The following RALGPS2 variants were observed in gnomAD, a reference collection of about 807,000 sequenced individuals.
RALGPS2 encodes ras-specific guanine nucleotide-releasing factor RalGPS2.
A neutral mutation model predicts 86.8 loss-of-function variants in RALGPS2; 43 were observed. The observed-to-expected ratio is 0.50, with a 90% CI of 0.39 to 0.64. The LOEUF is 0.64. Among genes scored for constraint, RALGPS2 ranks in the 30% least tolerant of loss-of-function variants. The pLI, the probability that RALGPS2 is intolerant of heterozygous loss-of-function variation, is 0.00. For synonymous variants in RALGPS2, 243 were observed against 231.3 expected, an observed-to-expected ratio of 1.05 and a Z score of -0.46; for missense variants, 536 against 694.6, an observed-to-expected ratio of 0.77 and a Z score of 2.57.
intron 1 of RALGPS2, among the ~76,000 whole-genome samples, chr1:178,744,561 G>A (rs1266551174): frequency 1.3e-5 from 2 of 152,120 alleles, no homozygotes; most frequent in Non-Finnish European, 2.9e-5. Flanking sequence ...TGTAATGCCA[G>A]CACTTAGGGA....
intron 9 of RALGPS2, 55 bp downstream of exon 9, chr1:178,877,690 T>G: frequency 6.3e-7 from 1 of 1,582,786 alleles, no homozygotes; most frequent in South Asian, 1.1e-5. Flanking sequence ...TCCAGTGATT[T>G]ATTTACACAC....
chr1:178,864,410 A>G (rs1364959590), intron 8 of RALGPS2, among the ~76,000 whole-genome samples: 1 of 152,152 alleles, frequency 6.6e-6, no homozygotes, highest in Non-Finnish European at 1.5e-5. Flanking sequence ...AGATGCTTTC[A>G]AGATAAGAAA....
rs371184625 is a variant in RALGPS2 at position 178,827,556 on chromosome 1, G to A, written c.480+5852G>A. On this transcript the variant is annotated intron_variant, in intron 7 of 19. Transcript: ENST00000367635. Reference sequence around the variant, plus strand: ...ACTACAGGCGCCCGCCACTACGCCCGGCTAATTTTTTGTATTTTTTAGTAG... The same window carrying A: ...ACTACAGGCGCCCGCCACTACGCCCAGCTAATTTTTTGTATTTTTTAGTAG... Among the ~76,000 whole-genome samples the A allele has an allele frequency of 3.9e-3, 589 of 151,676 alleles. 3 individuals are homozygous for A. Among genetic ancestry groups the A allele is most frequent in the East Asian group, 0.021 (107 of 5,158 alleles).
chr1:178,861,211 A>G (rs1657986103), intron 8 of RALGPS2, among the ~76,000 whole-genome samples: 1 of 152,162 alleles, frequency 6.6e-6, no homozygotes, highest in Non-Finnish European at 1.5e-5. Flanking sequence ...CTTATGGTCT[A>G]GCAGATTATC....
intron 13 of RALGPS2, 104 bp downstream of exon 13, chr1:178,886,224 T>TA: frequency 9.8e-6 from 12 of 1,220,560 alleles, no homozygotes; most frequent in South Asian, 5.6e-5. Flanking sequence ...AAAATTTGGT[T>TA]AAAAAAACAA....
intron 1 of RALGPS2, among the ~76,000 whole-genome samples, chr1:178,752,167 A>C: frequency 7.0e-6 from 1 of 143,304 alleles, no homozygotes. Context: ...ACAGGGTGTC[A>C]CTCTGTTGCC....
At chr1:178,735,791 T>C (rs986249439) in intron 1 of RALGPS2, among the ~76,000 whole-genome samples, 5 of 152,234 alleles carry the variant, frequency 3.3e-5, no homozygotes, top group African/African-American at 9.6e-5. Context: ...ATTGTACTTA[T>C]TTAAAAGTAT....
intron 4 of RALGPS2, among the ~76,000 whole-genome samples, chr1:178,792,050 A>C (rs1006700323): frequency 2.0e-5 from 3 of 152,226 alleles, no homozygotes; most frequent in Non-Finnish European, 2.9e-5. Context: ...AGCAAACATA[A>C]TGCTAAGCCT....
At chr1:178,816,326 A>T (rs1655227494) in intron 6 of RALGPS2, among the ~76,000 whole-genome samples, 1 of 151,520 alleles carries the variant, frequency 6.6e-6, no homozygotes, top group Non-Finnish European at 1.5e-5. Context: ...TATTTTTCTG[A>T]TGATAGTGAT....
At chr1:178,783,158 A>G (rs1414797949) in intron 2 of RALGPS2, among the ~76,000 whole-genome samples, 2 of 152,210 alleles carry the variant, frequency 1.3e-5, no homozygotes, top group African/African-American at 4.8e-5. Context: ...TATTAAAACT[A>G]TTAAGAATTG....
At chr1:178,805,592 G>A (rs1654703531) in intron 4 of RALGPS2, among the ~76,000 whole-genome samples, 1 of 151,982 alleles carries the variant, frequency 6.6e-6, no homozygotes, top group South Asian at 2.1e-4. Context: ...TAGTTGGCTA[G>A]CTGTTTCTTC....
chr1:178,767,560 C>T (rs939159897), intron 1 of RALGPS2, among the ~76,000 whole-genome samples: 4 of 152,032 alleles, frequency 2.6e-5, no homozygotes, highest in African/African-American at 7.3e-5. Context: ...ATGCAAAGGC[C>T]GTATCCTTGC....
intron 4 of RALGPS2, among the ~76,000 whole-genome samples, chr1:178,797,984 G>GT (rs1553264755): frequency 3.9e-5 from 2 of 51,008 alleles, no homozygotes; most frequent in African/African-American, 2.1e-4. Context: ...CCAACAATTT[G>GT]TAAAAAAAAA....
intron 8 of RALGPS2, among the ~76,000 whole-genome samples, chr1:178,838,300 C>T (rs1301465931): frequency 6.6e-6 from 1 of 152,220 alleles, no homozygotes; most frequent in East Asian, 1.9e-4. Flanking sequence ...ACACCTCACA[C>T]ATCTGGGTAG....
intron 19 of RALGPS2, among the ~76,000 whole-genome samples, chr1:178,914,218 T>G (rs1660729761): frequency 6.6e-6 from 1 of 152,080 alleles, no homozygotes; most frequent in Non-Finnish European, 1.5e-5. Flanking sequence ...TGGGCGCCTA[T>G]GGCCGTGTTC....
intron 11 of RALGPS2, among the ~76,000 whole-genome samples, chr1:178,883,817 C>T (rs1475436671): frequency 6.6e-6 from 1 of 151,998 alleles, no homozygotes; most frequent in Non-Finnish European, 1.5e-5. Flanking sequence ...AACCCCGTCT[C>T]TGCTAAAAAA....
At position 178,752,346 on chromosome 1, in the gene RALGPS2, G is replaced by T. The variant is rs201123715; in HGVS notation, c.-83-24336G>T. On this transcript the variant is annotated intron_variant, in intron 1 of 19. Coordinates refer to ENST00000367635, the MANE Select transcript of RALGPS2 (RefSeq NM_152663.5). ...TTTTTTTTTTGTAGAGATTGGTGGC[G>T]GGGGGGAGGGTCTCACTTTGTTGCC... Among the ~76,000 whole-genome samples, 7 of 150,150 alleles carry T rather than the reference G, an allele frequency of 4.7e-5. No homozygotes were observed. In the East Asian group the frequency reaches 1.2e-3, roughly 25 times the overall value.
At chr1:178,880,730 G>T (rs1419403614) in intron 10 of RALGPS2, among the ~76,000 whole-genome samples, 2 of 152,254 alleles carry the variant, frequency 1.3e-5, no homozygotes, top group African/African-American at 4.8e-5. Flanking sequence ...GAATTTAAAA[G>T]AATTTAAAGT....
chr1:178,776,851 GT>G (rs1653112732), intron 2 of RALGPS2, 30 bp downstream of exon 2: 12 of 1,581,866 alleles, frequency 7.6e-6, no homozygotes, highest in Non-Finnish European at 1.0e-5. Flanking sequence ...TGGGTGTAAA[GT>G]TTCTTACCTG....
Sources: allele counts gnomAD v4.1 joint callset (sites outside exome capture counted in the v4.1 genomes callset), GRCh38; gene constraint gnomAD v4.1.1; transcripts MANE v1.5; gene names NCBI Gene and HGNC (gene_info 2026-07-23, HGNC 2026-07-21).